IGSF10: variants seen among roughly 807,000 people sequenced by gnomAD.
The protein encoded by IGSF10 is calvaria mechanical force protein 608.
Under a neutral mutation model 128.2 loss-of-function variants are expected in IGSF10, and 126 were observed. The observed-to-expected ratio is 0.98, with a 90% confidence interval of 0.85 to 1.14. IGSF10 has a LOEUF of 1.14. Ranked by LOEUF, IGSF10 falls within the 50% of genes most tolerant of loss-of-function variation. The probability of loss-of-function intolerance (pLI) is 0.00; values close to 1 mark genes in which losing one functional copy is unlikely to be tolerated. For synonymous variants in IGSF10, 1,185 were observed against 1,146.2 expected (o/e 1.03, Z -0.68); for missense variants, 3,295 against 3,149.8 (o/e 1.05, Z -1.10).
At chr3:151,460,888 G>A (rs1722020941) in intron 1 of IGSF10, 58 bp downstream of exon 1, 7 of 974,096 alleles carry the variant, frequency 7.2e-6, no homozygotes, top group Non-Finnish European at 8.5e-6. Context: ...CCCACGCCAA[G>A]CCCCAGCCGG....
At chr3:151,598,832 G>A in the IGSF10 span, among the ~76,000 whole-genome samples, 1 of 152,184 alleles carries the variant, frequency 6.6e-6, no homozygotes, top group African/African-American at 2.4e-5. Context: ...GTGAGTGGGT[G>A]ATGGGCTCAT....
At chr3:151,602,878 T>C in the IGSF10 span, among the ~76,000 whole-genome samples, 1 of 152,032 alleles carries the variant, frequency 6.6e-6, no homozygotes, top group African/African-American at 2.4e-5. Context: ...TTGTTTGGAG[T>C]TTTTCTTTTC....
At chr3:151,497,226 T>C in the IGSF10 span, among the ~76,000 whole-genome samples, 1 of 152,212 alleles carries the variant, frequency 6.6e-6, no homozygotes, top group African/African-American at 2.4e-5. Context: ...TTGCTTTTGG[T>C]GTTTTAGACA....
Position 151,446,674 on chromosome 3 carries a change from T to C in IGSF10, c.3307A>G (p.Thr1103Ala). 6.2e-7 allele frequency: 1 copy of C among 1,613,782 alleles called. No homozygotes were observed. The highest frequency in any genetic ancestry group is 1.1e-5 in the South Asian group (1 of 91,086). ...AATAGTGGATTCTGGACTAGAGTTG[T>C]AGACTCTTCTGATGGGACTCTAGCA... ...DIARVPSEES[T>A]TLVQNPLLLL... The change falls in exon 6 of 8, where the codon ACA becomes GCA. Residue 1103 changes from threonine (T) to alanine (A), a missense_variant. By Grantham distance (58) the Thr-to-Ala change is moderately conservative (BLOSUM62 0). Transcript: ENST00000282466.
chr3:151,572,062 G>T, the IGSF10 span, among the ~76,000 whole-genome samples: 1 of 152,206 alleles, frequency 6.6e-6, no homozygotes, highest in Non-Finnish European at 1.5e-5. Flanking sequence ...GCATCCCAGG[G>T]ATGAAGGCGA....
the IGSF10 span, among the ~76,000 whole-genome samples, chr3:151,519,084 G>A: frequency 6.6e-6 from 1 of 151,924 alleles, no homozygotes; most frequent in African/African-American, 2.4e-5. Context: ...CACAGAATAT[G>A]TATGATTGTT....
In IGSF10 at chr3:151,443,164, C is replaced by T; in HGVS notation, c.5783G>A (p.Arg1928Lys). The T allele has an allele frequency of 6.2e-7, 1 of 1,614,242 alleles. No individual in the cohort carries two copies. The highest frequency in any genetic ancestry group is 1.1e-5 in the South Asian group (1 of 91,080). The change falls in exon 7 of 8, where the codon AGA (arginine) becomes AAA (lysine). Residue 1928 changes from arginine (R) to lysine (K), a missense_variant. Physicochemically the swap from Arg to Lys is conservative, Grantham distance 26 (BLOSUM62 2). Coordinates refer to ENST00000282466, the MANE Select transcript of IGSF10 (RefSeq NM_178822.5). ...CTCTTCCATTGTAAGCATTACTACTCTTCGCTCCGAACCAGTGGAACTGGT... is the reference window on the plus strand; with the variant it reads ...CTCTTCCATTGTAAGCATTACTACTTTTCGCTCCGAACCAGTGGAACTGGT... Reference protein sequence around the residue: ...IATSSTGSERRVVMLTMEERV... With the variant: ...IATSSTGSERKVVMLTMEERV...
the IGSF10 span, among the ~76,000 whole-genome samples, chr3:151,538,260 G>A: frequency 1.3e-5 from 2 of 152,104 alleles, no homozygotes; most frequent in African/African-American, 4.8e-5. Flanking sequence ...GAAACACAAA[G>A]CCCATAGAAG....
chr3:151,527,010 G>C, the IGSF10 span, among the ~76,000 whole-genome samples: 14 of 152,034 alleles, frequency 9.2e-5, no homozygotes, highest in African/African-American at 3.4e-4. Context: ...TTTGCTTTTT[G>C]TTGACCTAAC....
chr3:151,602,877 G>A, the IGSF10 span, among the ~76,000 whole-genome samples: 1 of 152,218 alleles, frequency 6.6e-6, no homozygotes, highest in Non-Finnish European at 1.5e-5. Context: ...ATTGTTTGGA[G>A]TTTTTCTTTT....
intron 5 of IGSF10, among the ~76,000 whole-genome samples, chr3:151,449,601 A>C (rs1376022155): frequency 6.6e-6 from 1 of 152,192 alleles, no homozygotes; most frequent in African/African-American, 2.4e-5. Context: ...TGATATGCTC[A>C]TGTTTGTCAG....
At chr3:151,605,168 GT>G in the IGSF10 span, among the ~76,000 whole-genome samples, 2 of 152,188 alleles carry the variant, frequency 1.3e-5, no homozygotes, top group African/African-American at 4.8e-5. Flanking sequence ...TTTGACCTCA[GT>G]TGGGAATGTA....
the IGSF10 span, among the ~76,000 whole-genome samples, chr3:151,499,241 G>A: frequency 7.9e-5 from 12 of 152,192 alleles, no homozygotes; most frequent in African/African-American, 2.2e-4. Flanking sequence ...GACTAAAAAA[G>A]TCTTGCCAGT....
the IGSF10 span, among the ~76,000 whole-genome samples, chr3:151,510,886 A>T: frequency 3.3e-5 from 5 of 152,034 alleles, no homozygotes; most frequent in African/African-American, 4.8e-5. Flanking sequence ...GAAATGAATG[A>T]AATGAAGCAT....
rs767687143 is a variant in IGSF10, at chr3:151,443,726, C to A, written c.5221G>T (p.Val1741Phe). ...TDHLHVTLSV[V>F]SYPPRILERR... Reference sequence around the variant, plus strand: ...TCCAGGATCCTGGGAGGATAGGAAACCACAGACAAGGTGACATGAAGGTGG... The same window carrying A: ...TCCAGGATCCTGGGAGGATAGGAAAACACAGACAAGGTGACATGAAGGTGG... Residue 1741 changes from valine to phenylalanine, a missense_variant, in exon 7 of 8, where the codon GTT (valine) becomes TTT (phenylalanine). Physicochemically the swap from Val to Phe is conservative, Grantham distance 50. Coordinates refer to ENST00000282466, the MANE Select transcript of IGSF10 (RefSeq NM_178822.5). The A allele has an allele frequency of 5.0e-5, 80 of 1,613,986 alleles. No individual in the cohort carries two copies. Among genetic ancestry groups the A allele is most frequent in the Middle Eastern group, 1.6e-4 (1 of 6,084 alleles).
chr3:151,435,786 G>A (rs1005977236), downstream of IGSF10: 1 of 152,078 alleles, frequency 6.6e-6, no homozygotes, highest in Non-Finnish European at 1.5e-5. Flanking sequence ...AACACATTTT[G>A]TGTAGGATTG....
At chr3:151,460,766 G>A (rs1263713998) in intron 1 of IGSF10, among the ~76,000 whole-genome samples, 180 bp downstream of exon 1, 1 of 151,100 alleles carries the variant, frequency 6.6e-6, no homozygotes, top group Non-Finnish European at 1.5e-5. Flanking sequence ...AGTCACCGAA[G>A]AATTGTCGTG....
In IGSF10 at chr3:151,449,067, G is replaced by A. The variant is rs760522013; in HGVS notation, c.914C>T (p.Ser305Phe). The A allele has an allele frequency of 1.3e-5, 21 of 1,614,088 alleles. No homozygotes were observed. Among genetic ancestry groups the A allele is most frequent in the East Asian group, 2.2e-5 (1 of 44,908 alleles). ...ILEDSSSAFI[S>F]PQGFMAPFGS... ...AAAGGGTGCCATGAAACCTTGGGGA[G>A]AGATGAAAGCAGAACTACTGTCTTC... Residue 305 changes from serine (S) to phenylalanine (F), a missense_variant, in exon 6 of 8, where the codon TCT becomes TTT. Physicochemically the swap from Ser to Phe is radical, Grantham distance 155. Coordinates refer to ENST00000282466, the MANE Select transcript of IGSF10 (RefSeq NM_178822.5).
chr3:151,540,718 C>T, the IGSF10 span, among the ~76,000 whole-genome samples: 6 of 152,092 alleles, frequency 3.9e-5, no homozygotes, highest in African/African-American at 1.4e-4. Context: ...TAGCAGTTTT[C>T]CAAAGTGTTT....
Sources: gnomAD v4.1 joint callset for allele counts (sites outside exome capture counted in the v4.1 genomes callset) on GRCh38, gnomAD v4.1.1 for gene constraint, MANE v1.5 for transcripts, NCBI Gene and HGNC (gene_info 2026-07-23, HGNC 2026-07-21) for gene names.